Variants in MAP3K19 observed in about 807,000 individuals in gnomAD.
MAP3K19 encodes mitogen-activated protein kinase kinase kinase 19, also known as SPS1/STE20-related protein kinase YSK4.
MAP3K19 carries 91 observed loss-of-function variants against 114.4 expected under a neutral mutation model. That is an observed-to-expected ratio of 0.80 (90% CI 0.67 to 0.95). MAP3K19 has a LOEUF of 0.95. MAP3K19 is among the 40% of genes least tolerant of loss of function. The pLI is 0.00. For synonymous variants in MAP3K19, 518 were observed against 530.5 expected (o/e 0.98, Z 0.32); for missense variants, 1,471 against 1,573.2 (o/e 0.94, Z 1.10).
chr2:134,998,445 CAAT>C (rs1270284767), intron 8 of MAP3K19, among the ~76,000 whole-genome samples: 1 of 152,134 alleles, frequency 6.6e-6, no homozygotes, highest in Non-Finnish European at 1.5e-5. Context: ...ATAATCTAAA[CAAT>C]AAGATATTCT....
intron 3 of MAP3K19, among the ~76,000 whole-genome samples, chr2:135,025,039 C>T (rs562398483): frequency 9.2e-5 from 14 of 151,938 alleles, no homozygotes; most frequent in Middle Eastern, 3.4e-3. Flanking sequence ...TACATAAAAT[C>T]AAGTAAAGAT....
chr2:134,978,979 C>A (rs1445897420), intron 12 of MAP3K19, among the ~76,000 whole-genome samples: 2 of 152,168 alleles, frequency 1.3e-5, no homozygotes, highest in Non-Finnish European at 2.9e-5. Flanking sequence ...AATAGGAGTA[C>A]CCCCTCCATG....
At chr2:135,011,542 A>AAG in intron 5 of MAP3K19, among the ~76,000 whole-genome samples, 1 of 151,678 alleles carries the variant, frequency 6.6e-6, no homozygotes. Context: ...GTCTCAAAAA[A>AAG]AAAAAAAAAA....
At chr2:135,024,048 C>T (rs1009795589) in intron 4 of MAP3K19, among the ~76,000 whole-genome samples, 3 of 152,154 alleles carry the variant, frequency 2.0e-5, no homozygotes, top group Admixed American at 2.0e-4. Context: ...AAGCTATGCT[C>T]ACTCCCAGCA....
chr2:134,979,113 A>G (rs1321088642), intron 12 of MAP3K19, among the ~76,000 whole-genome samples: 1 of 152,084 alleles, frequency 6.6e-6, no homozygotes, highest in East Asian at 1.9e-4. Flanking sequence ...GAATATCCCT[A>G]TCTCCAAGGA....
chr2:135,006,519 A>G (rs937405889), intron 5 of MAP3K19, among the ~76,000 whole-genome samples: 2 of 152,216 alleles, frequency 1.3e-5, no homozygotes, highest in African/African-American at 4.8e-5. Context: ...GTAGCAAATA[A>G]TAAAAGTTGG....
rs1268857160 is a variant in MAP3K19 at position 135,015,905 on chromosome 2, AT to A, written c.138+5809del. On this transcript the variant is annotated intron_variant, in intron 5 of 12. Coordinates refer to ENST00000392915, the MANE Select transcript of MAP3K19 (RefSeq NM_025052.5). ...AGCCTCCATCTCAAAAAAAAAAAAA[AT>A]ATTTGTTGCCAGCTCCAAGGTCACA... 1.8e-4 allele frequency among the ~76,000 whole-genome samples: 28 copies of A among 151,982 alleles called. 1 individual carries two copies. The highest frequency in any genetic ancestry group is 1.3e-4 in the Non-Finnish European group (9 of 67,982).
intron 12 of MAP3K19, among the ~76,000 whole-genome samples, chr2:134,973,285 T>C (rs144263211): frequency 6.6e-6 from 1 of 152,348 alleles, no homozygotes; most frequent in Non-Finnish European, 1.5e-5. Context: ...TCTAATAATA[T>C]TTGCTTCATA....
chr2:135,016,396 C>T (rs994184198), intron 5 of MAP3K19, among the ~76,000 whole-genome samples: 1 of 152,136 alleles, frequency 6.6e-6, no homozygotes, highest in Non-Finnish European at 1.5e-5. Flanking sequence ...TATCACACTG[C>T]CTTAATTGAT....
At chr2:135,039,145 C>G in intron 2 of MAP3K19, among the ~76,000 whole-genome samples, 1 of 132,230 alleles carries the variant, frequency 7.6e-6, no homozygotes. Context: ...TTTTTTTTAG[C>G]ATATGTGCTA....
At chr2:135,014,665 A>G (rs1687466132) in intron 5 of MAP3K19, among the ~76,000 whole-genome samples, 1 of 152,260 alleles carries the variant, frequency 6.6e-6, no homozygotes. Flanking sequence ...CAGGACCCAG[A>G]TCAAATAAAA....
chr2:135,031,333 A>C (rs570212333), intron 2 of MAP3K19, among the ~76,000 whole-genome samples: 1 of 152,188 alleles, frequency 6.6e-6, no homozygotes, highest in Non-Finnish European at 1.5e-5. Context: ...AGACTCAGCC[A>C]GGCAGACTGG....
chr2:135,011,193 T>A (rs953317622), intron 5 of MAP3K19, among the ~76,000 whole-genome samples: 1 of 152,042 alleles, frequency 6.6e-6, no homozygotes, highest in Non-Finnish European at 1.5e-5. Flanking sequence ...CAAAAAGGAG[T>A]TTAAACTTTA....
chr2:135,039,859 T>C (rs919896620), intron 2 of MAP3K19, among the ~76,000 whole-genome samples: 10 of 152,222 alleles, frequency 6.6e-5, no homozygotes, highest in African/African-American at 2.4e-4. Flanking sequence ...AATGTCTCCA[T>C]TTAATAAATA....
At chr2:134,979,959 G>A (rs1684517332) in intron 12 of MAP3K19, among the ~76,000 whole-genome samples, 1 of 152,196 alleles carries the variant, frequency 6.6e-6, no homozygotes, top group Non-Finnish European at 1.5e-5. Context: ...ATATGTGCTT[G>A]CTAAAAGATG....
At chr2:135,038,906 T>G (rs925800956) in intron 2 of MAP3K19, among the ~76,000 whole-genome samples, 4 of 152,040 alleles carry the variant, frequency 2.6e-5, no homozygotes, top group African/African-American at 9.7e-5. Context: ...AGTTTGTTTT[T>G]ATAATATTCA....
At chr2:134,968,165 CA>C (rs777564777) in intron 12 of MAP3K19, among the ~76,000 whole-genome samples, 1 of 152,106 alleles carries the variant, frequency 6.6e-6, no homozygotes, top group Non-Finnish European at 1.5e-5. Context: ...TCAGAGAGCA[CA>C]GGGTTGGGGG....
intron 8 of MAP3K19, among the ~76,000 whole-genome samples, chr2:134,996,762 C>T (rs539665851): frequency 2.8e-4 from 43 of 152,104 alleles, no homozygotes; most frequent in Admixed American, 9.8e-4. Flanking sequence ...AAGCTGAACA[C>T]GGTGGCTCAT....
At chr2:135,026,291 C>T (rs1377806559) in intron 3 of MAP3K19, among the ~76,000 whole-genome samples, 1 of 152,178 alleles carries the variant, frequency 6.6e-6, no homozygotes, top group Non-Finnish European at 1.5e-5. Flanking sequence ...AGTGGCATAC[C>T]TTGATTTCCA....
Sources: allele counts gnomAD v4.1 joint callset (sites outside exome capture counted in the v4.1 genomes callset), GRCh38; gene constraint gnomAD v4.1.1; transcripts MANE v1.5; gene names NCBI Gene and HGNC (gene_info 2026-07-23, HGNC 2026-07-21).